Variants in RBFOX1 observed in about 807,000 individuals in gnomAD.
RBFOX1 encodes the protein RNA binding fox-1 homolog 1, also known as RNA binding protein fox-1 homolog 1.
In RBFOX1, 8 loss-of-function variants were observed where a neutral mutation model predicts 57.7. The ratio of observed to expected loss-of-function variants is 0.14; its 90% CI spans 0.08 to 0.25. The LOEUF (loss-of-function observed/expected upper bound fraction) is 0.25, where lower values mean the gene tolerates loss of function less well. Among genes scored for constraint, RBFOX1 ranks in the 10% least tolerant of loss-of-function variants. The pLI is 1.00. For missense variants in RBFOX1, 611 were observed against 548.5 expected (o/e 1.11, Z -1.14); for synonymous variants, 326 against 222.4 (o/e 1.47, Z -4.15).
chr16:6,767,506 G>A (rs1423986401), intron 3 of RBFOX1, among the ~76,000 whole-genome samples: 1 of 152,072 alleles, frequency 6.6e-6, no homozygotes, highest in Non-Finnish European at 1.5e-5. Context: ...GCCAATTTGA[G>A]CCAGTGTTTT....
intron 4 of RBFOX1, among the ~76,000 whole-genome samples, chr16:7,215,210 T>C (rs1401647803): frequency 6.6e-6 from 1 of 152,202 alleles, no homozygotes; most frequent in Non-Finnish European, 1.5e-5. Context: ...TTCAGCTTCA[T>C]CCGTGTCTCC....
At chr16:7,437,206 A>G (rs1451936703) in intron 4 of RBFOX1, among the ~76,000 whole-genome samples, 3 of 152,094 alleles carry the variant, frequency 2.0e-5, no homozygotes, top group Non-Finnish European at 2.9e-5. Flanking sequence ...CACAATCACA[A>G]ACAAACATAC....
At chr16:6,995,316 G>GTGTC (rs1182190427) in intron 3 of RBFOX1, among the ~76,000 whole-genome samples, 3 of 151,726 alleles carry the variant, frequency 2.0e-5, no homozygotes, top group Non-Finnish European at 2.9e-5. Context: ...GTGTGTGTGT[G>GTGTC]TGTGTGTGTG....
chr16:5,925,987 T>A lies in RBFOX1; in HGVS notation c.351+58652T>A, dbSNP rs573341684. Among the ~76,000 whole-genome samples, 6 of 152,312 alleles carry A rather than the reference T, an allele frequency of 3.9e-5. No individual in the cohort carries two copies. The East Asian group carries it at 9.6e-4, about 24-fold the overall frequency. On this transcript the variant is annotated intron_variant, in intron 4 of 19. Transcript: ENST00000641259. Reference sequence around the variant, plus strand: ...TTCCTATTGTCTATTGTCCTCTGTTTACTACAGGTGTGGTAGCAGTCAGAC... The same window carrying A: ...TTCCTATTGTCTATTGTCCTCTGTTAACTACAGGTGTGGTAGCAGTCAGAC...
intron 1 of RBFOX1, among the ~76,000 whole-genome samples, chr16:5,450,403 C>T (rs753935090): frequency 6.6e-6 from 1 of 152,182 alleles, no homozygotes; most frequent in East Asian, 1.9e-4. Context: ...TGGGCACATG[C>T]AGACCACAGG....
intron 2 of RBFOX1, among the ~76,000 whole-genome samples, chr16:6,376,655 G>T (rs2091213639): frequency 6.6e-6 from 1 of 152,068 alleles, no homozygotes; most frequent in African/African-American, 2.4e-5. Context: ...CTTGGTTTAG[G>T]GCCCAACTAA....
intron 1 of RBFOX1, among the ~76,000 whole-genome samples, chr16:5,450,590 T>C (rs1049990347): frequency 2.0e-5 from 3 of 152,254 alleles, no homozygotes; most frequent in African/African-American, 2.4e-5. Flanking sequence ...GTGTACTGTT[T>C]TGCTTGGATT....
At chr16:5,912,384 G>C (rs2058621355) in intron 4 of RBFOX1, among the ~76,000 whole-genome samples, 1 of 152,198 alleles carries the variant, frequency 6.6e-6, no homozygotes, top group Non-Finnish European at 1.5e-5. Flanking sequence ...GGGAGAAGCT[G>C]AGCAGCTTTG....
chr16:6,190,697 G>T (rs1231221299), intron 1 of RBFOX1, among the ~76,000 whole-genome samples: 1 of 152,136 alleles, frequency 6.6e-6, no homozygotes, highest in Non-Finnish European at 1.5e-5. Context: ...ACTTGACTTA[G>T]TCTCTGTTGG....
At chr16:7,338,696 G>T (rs902800864) in intron 4 of RBFOX1, among the ~76,000 whole-genome samples, 3 of 152,194 alleles carry the variant, frequency 2.0e-5, no homozygotes, top group African/African-American at 7.2e-5. Flanking sequence ...ATACCTATAT[G>T]TAGTAACAAT....
chr16:6,576,609 G>T (rs1313467896), intron 2 of RBFOX1, among the ~76,000 whole-genome samples: 1 of 151,984 alleles, frequency 6.6e-6, no homozygotes, highest in Non-Finnish European at 1.5e-5. Flanking sequence ...AACTCCAACT[G>T]GGAGGAAATA....
chr16:5,255,529 C>T lies in RBFOX1; in HGVS notation c.219+15424C>T, dbSNP rs138883161. On this transcript the variant is annotated intron_variant, in intron 1 of 2. Transcript: ENST00000585867. ...CCATCTACTTACCCATGCATCTATC[C>T]ACCCATTCACTCATCTAACCATCTA... 2.1e-4 allele frequency among the ~76,000 whole-genome samples: 32 copies of T among 152,094 alleles called. No individual in the cohort carries two copies. In the East Asian group the frequency reaches 5.4e-3, roughly 26 times the overall value.
chr16:7,448,805 A>C (rs958275540), intron 4 of RBFOX1, among the ~76,000 whole-genome samples: 3 of 152,102 alleles, frequency 2.0e-5, no homozygotes, highest in African/African-American at 7.2e-5. Context: ...ATCTTCTTGT[A>C]AGGGCACCAG....
intron 14 of RBFOX1, among the ~76,000 whole-genome samples, chr16:7,681,499 G>T (rs1196777921): frequency 1.3e-5 from 2 of 152,060 alleles, no homozygotes; most frequent in East Asian, 3.9e-4. Flanking sequence ...GTAGAGAAAG[G>T]CTGTCATGAA....
chr16:6,705,886 T>A (rs2062650710), intron 3 of RBFOX1, among the ~76,000 whole-genome samples: 1 of 152,044 alleles, frequency 6.6e-6, no homozygotes, highest in Non-Finnish European at 1.5e-5. Flanking sequence ...GGCATGGTGG[T>A]GCATGTCTCT....
At chr16:6,308,504 C>T (rs1335507388) in intron 1 of RBFOX1, among the ~76,000 whole-genome samples, 3 of 152,094 alleles carry the variant, frequency 2.0e-5, no homozygotes, top group African/African-American at 7.2e-5. Flanking sequence ...ACTGGTGGAC[C>T]CTAGTTTGCT....
At chr16:5,749,025 T>G (rs1213187866) in intron 3 of RBFOX1, among the ~76,000 whole-genome samples, 1 of 152,210 alleles carries the variant, frequency 6.6e-6, no homozygotes, top group Non-Finnish European at 1.5e-5. Flanking sequence ...TTCTTTTCCA[T>G]GTTGAGTGCT....
intron 4 of RBFOX1, among the ~76,000 whole-genome samples, chr16:7,260,938 C>T (rs149045475): frequency 1.3e-5 from 2 of 152,110 alleles, no homozygotes; most frequent in Admixed American, 1.3e-4. Context: ...TAGGCTCTGG[C>T]CAAACACCTA....
chr16:6,936,501 G>T (rs1026399702), intron 3 of RBFOX1, among the ~76,000 whole-genome samples: 8 of 151,996 alleles, frequency 5.3e-5, no homozygotes, highest in African/African-American at 1.9e-4. Context: ...ATTGACTCCC[G>T]ACTATGTATC....
Sources: gnomAD v4.1 joint callset for allele counts (sites outside exome capture counted in the v4.1 genomes callset) on GRCh38, gnomAD v4.1.1 for gene constraint, MANE v1.5 for transcripts, NCBI Gene and HGNC (gene_info 2026-07-23, HGNC 2026-07-21) for gene names.